GRM8: variants seen among roughly 807,000 people sequenced by gnomAD.
GRM8 encodes metabotropic glutamate receptor 8.
In GRM8, 47 loss-of-function variants were observed where a neutral mutation model predicts 87.2. That is an observed-to-expected ratio of 0.54 (90% CI 0.43 to 0.69). GRM8 has a LOEUF of 0.69. Among genes scored for constraint, GRM8 ranks in the 30% least tolerant of loss-of-function variants. The pLI, the probability that GRM8 is intolerant of heterozygous loss-of-function variation, is 0.00. For synonymous variants in GRM8, 396 were observed against 404.5 expected (o/e 0.98, Z 0.25); for missense variants, 1,019 against 1,139.2 (o/e 0.89, Z 1.52).
At chr7:127,240,063 G>T (rs1370941929) in intron 2 of GRM8, among the ~76,000 whole-genome samples, 1 of 152,186 alleles carries the variant, frequency 6.6e-6, no homozygotes, top group East Asian at 1.9e-4. Context: ...GGTAGCAAGA[G>T]CTGCCCTTTC....
chr7:126,509,046 C>T (rs1810923445), intron 9 of GRM8, among the ~76,000 whole-genome samples: 1 of 152,022 alleles, frequency 6.6e-6, no homozygotes, highest in Non-Finnish European at 1.5e-5. Context: ...CTTACATTTG[C>T]TAATTGCTAC....
intron 3 of GRM8, among the ~76,000 whole-genome samples, chr7:126,999,649 T>A (rs1256286249): frequency 1.3e-5 from 2 of 151,902 alleles, no homozygotes; most frequent in African/African-American, 4.8e-5. Context: ...TCAATGTCAC[T>A]GATCATCAGA....
At chr7:126,674,741 G>C (rs9655860) in intron 7 of GRM8, among the ~76,000 whole-genome samples, 5 of 152,116 alleles carry the variant, frequency 3.3e-5, no homozygotes, top group Non-Finnish European at 5.9e-5. Context: ...TGGCCATTTA[G>C]CCAAATTACA....
chr7:127,220,552 A>G (rs1349541648), intron 2 of GRM8, among the ~76,000 whole-genome samples: 1 of 152,200 alleles, frequency 6.6e-6, no homozygotes, highest in Non-Finnish European at 1.5e-5. Flanking sequence ...TGGTGCAATC[A>G]TGGCTCACTA....
intron 9 of GRM8, among the ~76,000 whole-genome samples, chr7:126,508,750 G>T (rs139092269): frequency 2.8e-3 from 430 of 152,160 alleles, no homozygotes; most frequent in Non-Finnish European, 4.3e-3. Flanking sequence ...GGAAAACTGG[G>T]TTGCCTCTCA....
intron 8 of GRM8, among the ~76,000 whole-genome samples, chr7:126,608,690 A>T (rs1487327821): frequency 6.6e-6 from 1 of 151,890 alleles, no homozygotes; most frequent in African/African-American, 2.4e-5. Context: ...AACACAGAGT[A>T]TGATTCACTT....
At chr7:126,507,695 A>C (rs1022058371) in intron 9 of GRM8, among the ~76,000 whole-genome samples, 1 of 152,048 alleles carries the variant, frequency 6.6e-6, no homozygotes, top group Non-Finnish European at 1.5e-5. Context: ...TAAAGTATCA[A>C]CTTCCCTTTG....
At chr7:127,046,398 G>T (rs181043362) in intron 3 of GRM8, among the ~76,000 whole-genome samples, 5 of 151,256 alleles carry the variant, frequency 3.3e-5, no homozygotes, top group East Asian at 1.9e-4. Flanking sequence ...AAAAAAAAAA[G>T]AAAATCATTT....
intron 3 of GRM8, among the ~76,000 whole-genome samples, chr7:127,072,833 G>A (rs1821852575): frequency 6.6e-6 from 1 of 151,990 alleles, no homozygotes; most frequent in South Asian, 2.1e-4. Flanking sequence ...ATTATTTTTA[G>A]GGAGTTCTTG....
intron 9 of GRM8, among the ~76,000 whole-genome samples, chr7:126,473,232 T>C (rs904278632): frequency 2.0e-5 from 3 of 152,088 alleles, no homozygotes; most frequent in African/African-American, 7.2e-5. Context: ...TGCCAGCCCA[T>C]GAAAGCAGCC....
chr7:126,906,193 C>G (rs1043609382), intron 3 of GRM8, among the ~76,000 whole-genome samples: 1 of 152,164 alleles, frequency 6.6e-6, no homozygotes, highest in African/African-American at 2.4e-5. Context: ...CAAAAAGACA[C>G]TGAACCAGGA....
chr7:126,895,256 C>T lies in GRM8; in HGVS notation c.1156+7286G>A, dbSNP rs150498246. On this transcript the variant is annotated intron_variant, in intron 6 of 10. Coordinates refer to ENST00000339582, the MANE Select transcript of GRM8 (RefSeq NM_000845.3). ...ATGTATAGGTCAAGTCTTGTTTAGA[C>T]GATCTTCTGTAAGACACCTTGAGTT... Among the ~76,000 whole-genome samples, 224 of 152,182 alleles carry T rather than the reference C, an allele frequency of 1.5e-3. 1 individual carries two copies. The highest frequency in any genetic ancestry group is 5.3e-3 in the African/African-American group (219 of 41,538).
In GRM8 at chr7:126,929,975, A is replaced by C. The variant is rs547837421; in HGVS notation, c.728-25292T>G. Among the ~76,000 whole-genome samples, 8 of 152,066 alleles carry C rather than the reference A, an allele frequency of 5.3e-5. No individual in the cohort carries two copies. In the South Asian group the frequency reaches 1.7e-3, roughly 32 times the overall value. On this transcript the variant is annotated intron_variant, in intron 3 of 10. Coordinates refer to ENST00000339582, the MANE Select transcript of GRM8 (RefSeq NM_000845.3). The stretch of plus-strand genomic sequence containing the variant: ...TGTATTGGTCTTTGCAATTTATACT[A>C]TACTTTCATGTATTTCATTGAATTA...
At position 126,762,862 on chromosome 7, in the gene GRM8, AC is replaced by A. The variant is rs145791155; in HGVS notation, c.1357+7002del. On this transcript the variant is annotated intron_variant, in intron 7 of 10. Transcript: ENST00000339582. ...TACCAAGCAAATGATCTCCAAAAAAACAATGCTGATCAATATAATACATTTT... is the reference window on the plus strand; with the variant it reads ...TACCAAGCAAATGATCTCCAAAAAAAAATGCTGATCAATATAATACATTTT... Among the ~76,000 whole-genome samples the A allele has an allele frequency of 4.8e-3, 730 of 152,104 alleles. 6 individuals are homozygous for A. Among genetic ancestry groups the A allele is most frequent in the African/African-American group, 0.017 (698 of 41,558 alleles).
chr7:126,768,927 C>CAA (rs775753477), intron 7 of GRM8, among the ~76,000 whole-genome samples: 11 of 98,864 alleles, frequency 1.1e-4, no homozygotes, highest in African/African-American at 3.0e-4. Flanking sequence ...AGGAAAAATG[C>CAA]AAAAAAAAAA....
chr7:126,534,736 T>C (rs1256764777), intron 8 of GRM8, among the ~76,000 whole-genome samples: 1 of 152,210 alleles, frequency 6.6e-6, no homozygotes, highest in Non-Finnish European at 1.5e-5. Flanking sequence ...TACCTTTAAT[T>C]TGCTTTTCTT....
chr7:126,943,039 T>C (rs182394412), intron 3 of GRM8, among the ~76,000 whole-genome samples: 282 of 152,314 alleles, frequency 1.9e-3, no homozygotes, highest in African/African-American at 6.4e-3. Context: ...AGGTGGGACC[T>C]GACTAATAAG....
chr7:126,600,943 T>A (rs138158691), intron 8 of GRM8, among the ~76,000 whole-genome samples: 2 of 149,532 alleles, frequency 1.3e-5, no homozygotes, highest in South Asian at 2.2e-4. Flanking sequence ...ATTTTTTTTT[T>A]ATTATACTTT....
At chr7:126,929,367 C>A (rs538065655) in intron 3 of GRM8, among the ~76,000 whole-genome samples, 3 of 152,262 alleles carry the variant, frequency 2.0e-5, no homozygotes, top group South Asian at 2.1e-4. Context: ...CGTCATAGGA[C>A]AATTGAGCAT....
Sources: gnomAD v4.1 joint callset for allele counts (sites outside exome capture counted in the v4.1 genomes callset) on GRCh38, gnomAD v4.1.1 for gene constraint, MANE v1.5 for transcripts, NCBI Gene and HGNC (gene_info 2026-07-23, HGNC 2026-07-21) for gene names.